RBM33: variants seen among roughly 807,000 people sequenced by gnomAD.
RBM33 encodes the protein RNA binding motif protein 33.
In RBM33, 28 loss-of-function variants were observed where a neutral mutation model predicts 132.6. The observed-to-expected ratio is 0.21, with a 90% CI of 0.16 to 0.29. RBM33 has a LOEUF of 0.29. Ranked by LOEUF, RBM33 falls within the 10% of genes least tolerant of loss-of-function variation. RBM33 has a pLI of 1.00. For synonymous variants in RBM33, 634 were observed against 593.0 expected, an observed-to-expected ratio of 1.07 and a Z score of -1.01; for missense variants, 1,291 against 1,518.5, an observed-to-expected ratio of 0.85 and a Z score of 2.49.
chr7:155,760,214 A>G (rs914747722), intron 14 of RBM33, among the ~76,000 whole-genome samples: 4 of 152,228 alleles, frequency 2.6e-5, no homozygotes, highest in African/African-American at 9.6e-5. Context: ...GCTTCTCTCA[A>G]GCACTTACAA....
At chr7:155,699,086 A>G (rs975132343) in intron 5 of RBM33, among the ~76,000 whole-genome samples, 2 of 152,238 alleles carry the variant, frequency 1.3e-5, no homozygotes, top group East Asian at 1.9e-4. Flanking sequence ...AGAATAAGCT[A>G]TATTAATTTC....
intron 1 of RBM33, among the ~76,000 whole-genome samples, chr7:155,659,173 T>C (rs1563130437): frequency 6.6e-6 from 1 of 152,184 alleles, no homozygotes; most frequent in African/African-American, 2.4e-5. Context: ...ATATCCAGTT[T>C]TAAATAGTAA....
chr7:155,742,077 C>G lies in RBM33; in HGVS notation c.2308C>G (p.Pro770Ala), dbSNP rs1357796971. 1 of 1,613,458 alleles carries G rather than the reference C, an allele frequency of 6.2e-7. No homozygotes were observed. Among genetic ancestry groups the G allele is most frequent in the Non-Finnish European group, 8.5e-7 (1 of 1,179,622 alleles). The change falls in exon 13 of 18, where the codon CCT (proline) becomes GCT (alanine). Residue 770 changes from proline (P) to alanine (A), a missense_variant. Physicochemically the swap from Pro to Ala is conservative, Grantham distance 27. Transcript: ENST00000401878. The part of the protein sequence containing the change: ...KVKPASPVAQ[P>A]KEEAKTETEF... ...CAAGCCAGCTAGCCCTGTGGCTCAA[C>G]CTAAAGAAGAGGCAAAAACAGAAAC...
At chr7:155,696,762 A>C (rs1799804721) in intron 5 of RBM33, among the ~76,000 whole-genome samples, 1 of 152,104 alleles carries the variant, frequency 6.6e-6, no homozygotes, top group South Asian at 2.1e-4. Flanking sequence ...ATGACCTCTC[A>C]CTGGTCTAGG....
chr7:155,747,391 G>A (rs1031977823), intron 14 of RBM33, among the ~76,000 whole-genome samples: 1 of 152,088 alleles, frequency 6.6e-6, no homozygotes, highest in Non-Finnish European at 1.5e-5. Flanking sequence ...TGGGAATTAG[G>A]CCTTTTCCCA....
intron 13 of RBM33, among the ~76,000 whole-genome samples, chr7:155,742,501 G>T (rs534595166): frequency 6.6e-6 from 1 of 152,288 alleles, no homozygotes; most frequent in East Asian, 1.9e-4. Context: ...ATGTGACTGC[G>T]TTCCGGTAAA....
chr7:155,711,709 TGAGTGTTCTGA>T (rs1178167011), intron 8 of RBM33, among the ~76,000 whole-genome samples: 1 of 152,120 alleles, frequency 6.6e-6, no homozygotes, highest in African/African-American at 2.4e-5. Context: ...TGCAATGATG[TGAGTGTTCTGA>T]GCTGAAGGTA....
At chr7:155,710,052 T>A (rs925084039) in intron 7 of RBM33, among the ~76,000 whole-genome samples, 2 of 152,210 alleles carry the variant, frequency 1.3e-5, no homozygotes, top group Admixed American at 1.3e-4. Flanking sequence ...CTGTGAATGA[T>A]CATTTTCCTA....
intron 3 of RBM33, among the ~76,000 whole-genome samples, chr7:155,673,491 T>TAC (rs1295812610): frequency 6.8e-6 from 1 of 147,244 alleles, no homozygotes; most frequent in Non-Finnish European, 1.5e-5. Context: ...TGTATATATA[T>TAC]ACACACATAT....
At chr7:155,651,814 A>G (rs1043377268) in intron 1 of RBM33, among the ~76,000 whole-genome samples, 2 of 152,206 alleles carry the variant, frequency 1.3e-5, no homozygotes, top group Non-Finnish European at 1.5e-5. Flanking sequence ...CTGAATGATG[A>G]AAGTTTGTTG....
chr7:155,775,505 T>G lies in RBM33; in HGVS notation c.*464T>G. ...TCAACCAAGCTTAACTCGAGTTGTC[T>G]TCTCAGCCCTCAAAAGGCTCTTGTA... On this transcript the variant is annotated 3_prime_UTR_variant, in exon 18 of 18. Transcript: ENST00000401878. 1 of 195,480 alleles carries G rather than the reference T, an allele frequency of 5.1e-6. No individual in the cohort carries two copies. The highest frequency in any genetic ancestry group is 1.1e-5 in the Non-Finnish European group (1 of 92,212). 12.1% of individuals were successfully genotyped at this position (195,480 alleles called of 1,614,324 possible). A position where few individuals can be genotyped will look rare whatever the true frequency, so the allele number is the denominator to read the frequency against.
In RBM33 at chr7:155,741,944, C is replaced by G. The variant is rs1172040477; in HGVS notation, c.2175C>G (p.Arg725=). 6.2e-6 allele frequency: 10 copies of G among 1,613,936 alleles called. No individual in the cohort carries two copies. The African/African-American group carries it at 1.3e-4, about 22-fold the overall frequency. The change falls in exon 13 of 18, where the codon CGC becomes CGG. Residue 725 remains arginine (R), a synonymous_variant. Coordinates refer to ENST00000401878, the MANE Select transcript of RBM33 (RefSeq NM_053043.3). ...ACGTGATAGAAATGAGCAGCAGCCG[C>G]TGCTCTGCCACGCCCTCAGCACAAG... The part of the protein sequence containing the change: ...PSHVIEMSSS[R]CSATPSAQVK...
intron 1 of RBM33, among the ~76,000 whole-genome samples, chr7:155,662,060 T>A (rs1260953462): frequency 6.6e-6 from 1 of 152,116 alleles, no homozygotes; most frequent in Non-Finnish European, 1.5e-5. Flanking sequence ...ACTGGCTGGG[T>A]TATTTTAATG....
Position 155,702,519 on chromosome 7 carries a change from A to G in RBM33, c.739+1575A>G, listed in dbSNP as rs923907195. The stretch of plus-strand genomic sequence containing the variant: ...TAGAGTCTGGCATTGGCCTTAGGTG[A>G]AAGATGGAGCGAAGGTCTTAAAACA... On this transcript the variant is annotated intron_variant, in intron 6 of 17. Transcript: ENST00000401878. Among the ~76,000 whole-genome samples the G allele has an allele frequency of 2.0e-5, 3 of 152,348 alleles. No homozygotes were observed. The East Asian group carries it at 5.8e-4, about 29-fold the overall frequency.
chr7:155,684,860 A>C (rs1254019179), intron 5 of RBM33: 2 of 1,467,282 alleles, frequency 1.4e-6, no homozygotes, highest in African/African-American at 1.4e-5. Flanking sequence ...TGAATCATAA[A>C]GACGAAAAGT....
At chr7:155,749,568 G>A (rs80117582) in intron 14 of RBM33, among the ~76,000 whole-genome samples, 5,319 of 152,210 alleles carry the variant, frequency 0.035, 228 homozygotes, top group East Asian at 0.24. Flanking sequence ...AGATTGATTC[G>A]GAAAATGCTT....
intron 14 of RBM33, among the ~76,000 whole-genome samples, chr7:155,762,811 C>T (rs145511797): frequency 6.6e-6 from 1 of 152,306 alleles, no homozygotes; most frequent in Admixed American, 6.5e-5. Context: ...GTGACTGACA[C>T]TCCCTCCCTG....
chr7:155,748,376 C>G (rs1175039272), intron 14 of RBM33, among the ~76,000 whole-genome samples: 2 of 152,234 alleles, frequency 1.3e-5, no homozygotes, highest in Non-Finnish European at 2.9e-5. Context: ...AGCAAACTAT[C>G]TTTGCATAGT....
chr7:155,657,152 G>A (rs949567845), intron 1 of RBM33, among the ~76,000 whole-genome samples: 1 of 152,102 alleles, frequency 6.6e-6, no homozygotes, highest in Non-Finnish European at 1.5e-5. Flanking sequence ...GTATTTTATG[G>A]CGTCTCTCCT....
Sources: allele counts gnomAD v4.1 joint callset (sites outside exome capture counted in the v4.1 genomes callset), GRCh38; gene constraint gnomAD v4.1.1; transcripts MANE v1.5; gene names NCBI Gene and HGNC (gene_info 2026-07-23, HGNC 2026-07-21).